Variants in TIPIN observed in about 807,000 individuals in gnomAD.
The protein encoded by TIPIN is TIMELESS-interacting protein.
Under a neutral mutation model 35.6 loss-of-function variants are expected in TIPIN, and 29 were observed. The ratio of observed to expected loss-of-function variants is 0.82; its 90% CI spans 0.61 to 1.11. The LOEUF (loss-of-function observed/expected upper bound fraction) is 1.11, where lower values mean the gene tolerates loss of function less well. TIPIN is among the 50% of genes most tolerant of loss of function. The probability of loss-of-function intolerance (pLI) is 0.00; values close to 1 mark genes in which losing one functional copy is unlikely to be tolerated. For synonymous variants in TIPIN, 102 were observed against 121.5 expected (o/e 0.84, Z 1.06); for missense variants, 296 against 345.4 (o/e 0.86, Z 1.13).
chr15:66,366,782 AG>A, intron 1 of TIPIN: 1 of 912,492 alleles, frequency 1.1e-6, no homozygotes, highest in Non-Finnish European at 1.3e-6. Flanking sequence ...AAAAAAAAAA[AG>A]AAAGAAAGAA....
At chr15:66,350,460 T>C (rs2093159699) in intron 4 of TIPIN, among the ~76,000 whole-genome samples, 3 of 148,184 alleles carry the variant, frequency 2.0e-5, no homozygotes, top group Non-Finnish European at 4.5e-5. Flanking sequence ...CAAAAATTAG[T>C]TGGGCGTGGT....
intron 1 of TIPIN, among the ~76,000 whole-genome samples, chr15:66,372,978 G>T (rs900988683): frequency 6.6e-6 from 1 of 152,058 alleles, no homozygotes; most frequent in Non-Finnish European, 1.5e-5. Flanking sequence ...ATATCATTGT[G>T]CTGCAACTGC....
chr15:66,367,733 A>G (rs1331901546), intron 1 of TIPIN, among the ~76,000 whole-genome samples: 1 of 142,864 alleles, frequency 7.0e-6, no homozygotes, highest in Non-Finnish European at 1.6e-5. Flanking sequence ...ACAATTTTTT[A>G]TGTTTTTTTT....
chr15:66,377,322 A>G (rs774014804), intron 1 of TIPIN, among the ~76,000 whole-genome samples: 77 of 152,036 alleles, frequency 5.1e-4, no homozygotes, highest in Non-Finnish European at 5.6e-4. Context: ...TTATGTTTCT[A>G]TTGGATGAAT....
chr15:66,337,537 G>C (rs2140434655), intron 7 of TIPIN, among the ~76,000 whole-genome samples: 1 of 151,936 alleles, frequency 6.6e-6, no homozygotes, highest in East Asian at 1.9e-4. Context: ...GGCCAGGCTG[G>C]TCTCGAACTC....
At chr15:66,382,203 G>T in intron 1 of TIPIN, 1 of 242,844 alleles carries the variant, frequency 4.1e-6, no homozygotes, top group Non-Finnish European at 6.6e-6. Context: ...TGCAGTAGTA[G>T]ACAGTATAAT....
chr15:66,355,148 C>G (rs1373157043), intron 1 of TIPIN, among the ~76,000 whole-genome samples: 1 of 151,234 alleles, frequency 6.6e-6, no homozygotes, highest in Non-Finnish European at 1.5e-5. Context: ...ATTCTCCTGC[C>G]TCAGCCTCCC....
In TIPIN at chr15:66,352,644, G is replaced by A. The variant is rs193105635; in HGVS notation, c.133+171C>T. Among the ~76,000 whole-genome samples the A allele has an allele frequency of 1.5e-3, 230 of 151,456 alleles. 1 individual carries two copies. The highest frequency in any genetic ancestry group is 5.3e-3 in the African/African-American group (219 of 41,278). The stretch of plus-strand genomic sequence containing the variant: ...CCTTTTACCACAGCCACCACACCCC[G>A]GCTAATTTTTGTATTTTTAGTAGAG... On this transcript the variant is annotated intron_variant, in intron 2 of 7. Transcript: ENST00000261881.
chr15:66,378,811 A>T (rs898758168), intron 1 of TIPIN, among the ~76,000 whole-genome samples: 1 of 150,896 alleles, frequency 6.6e-6, no homozygotes, highest in Non-Finnish European at 1.5e-5. Flanking sequence ...ATCATGACTC[A>T]CTCTAACCTG....
intron 1 of TIPIN, among the ~76,000 whole-genome samples, chr15:66,376,249 AATGACCGTACTGT>A (rs1397088556): frequency 1.3e-5 from 2 of 152,128 alleles, no homozygotes; most frequent in Admixed American, 6.6e-5. Flanking sequence ...CATTCTTTGG[AATGACCGTACTGT>A]ATAGTACTTC....
intron 2 of TIPIN, 120 bp from the exon 3 acceptor site, chr15:66,352,327 C>T: frequency 4.0e-6 from 3 of 745,642 alleles, no homozygotes; most frequent in Non-Finnish European, 6.4e-6. Context: ...GAAACAGGGT[C>T]TCACTCTGTT....
chr15:66,365,991 C>T (rs1291464958), intron 1 of TIPIN, among the ~76,000 whole-genome samples: 1 of 152,126 alleles, frequency 6.6e-6, no homozygotes, highest in Non-Finnish European at 1.5e-5. Context: ...GTAATCTCTT[C>T]CTGGCGACCA....
chr15:66,350,773 C>CG (rs1566976086), intron 4 of TIPIN, among the ~76,000 whole-genome samples: 1 of 141,182 alleles, frequency 7.1e-6, no homozygotes, highest in African/African-American at 2.6e-5. Context: ...ACTAAAAATA[C>CG]AAAAAAAAAA....
intron 1 of TIPIN, among the ~76,000 whole-genome samples, chr15:66,371,619 T>C (rs1413515910): frequency 2.0e-5 from 3 of 151,878 alleles, no homozygotes; most frequent in South Asian, 2.1e-4. Context: ...GTTCAGGCCA[T>C]TCTCCTGCCT....
intron 7 of TIPIN, among the ~76,000 whole-genome samples, chr15:66,338,398 G>A (rs1012935326): frequency 1.3e-5 from 2 of 152,178 alleles, no homozygotes; most frequent in African/African-American, 4.8e-5. Context: ...AAACAGAGGT[G>A]AGCTTTAAAT....
chr15:66,351,699 G>A (rs920949934), intron 3 of TIPIN, 99 bp from the exon 4 acceptor site: 35 of 953,376 alleles, frequency 3.7e-5, no homozygotes, highest in Non-Finnish European at 4.8e-5. Context: ...ATGCGGTGGC[G>A]CGATCTCGGG....
intron 1 of TIPIN, among the ~76,000 whole-genome samples, chr15:66,353,645 C>A (rs1318778959): frequency 3.3e-5 from 5 of 151,042 alleles, no homozygotes; most frequent in African/African-American, 1.2e-4. Context: ...TGTTTATATA[C>A]ACCTACTACG....
intron 1 of TIPIN, among the ~76,000 whole-genome samples, chr15:66,375,502 TATA>T (rs2093293310): frequency 5.2e-4 from 3 of 5,814 alleles, no homozygotes; most frequent in African/African-American, 1.8e-3. Flanking sequence ...GGAAAAGTTA[TATA>T]TATATATATA....
chr15:66,342,619 C>T (rs1310336508), intron 6 of TIPIN, among the ~76,000 whole-genome samples: 4 of 152,164 alleles, frequency 2.6e-5, no homozygotes, highest in Admixed American at 6.6e-5. Flanking sequence ...ATGCCTCAGC[C>T]TCCCAAAGTG....
Sources: allele counts gnomAD v4.1 joint callset (sites outside exome capture counted in the v4.1 genomes callset), GRCh38; gene constraint gnomAD v4.1.1; transcripts MANE v1.5; gene names NCBI Gene and HGNC (gene_info 2026-07-23, HGNC 2026-07-21).